The following INSC variants were observed in gnomAD, a reference collection of about 807,000 sequenced individuals.
The protein encoded by INSC is protein inscuteable homolog.
A neutral mutation model predicts 58.6 loss-of-function variants in INSC; 67 were observed. That is an observed-to-expected ratio of 1.14 (90% CI 0.94 to 1.40). INSC has a LOEUF of 1.40. INSC is among the 40% of genes most tolerant of loss of function. The pLI, the probability that INSC is intolerant of heterozygous loss-of-function variation, is 0.00. For missense variants in INSC, 714 were observed against 692.0 expected (o/e 1.03, Z -0.36); for synonymous variants, 262 against 276.1 (o/e 0.95, Z 0.51).
At chr11:15,261,231 G>C in the INSC span, among the ~76,000 whole-genome samples, 1 of 152,066 alleles carries the variant, frequency 6.6e-6, no homozygotes, top group Non-Finnish European at 1.5e-5. Context: ...TTCTGATCCA[G>C]GTTTTTTTCT....
At chr11:15,263,624 T>C in the INSC span, among the ~76,000 whole-genome samples, 1 of 152,100 alleles carries the variant, frequency 6.6e-6, no homozygotes, top group African/African-American at 2.4e-5. Flanking sequence ...TATCACAAAA[T>C]TTTCAGCTTA....
At chr11:15,186,015 A>G (rs1849952501) in intron 5 of INSC, among the ~76,000 whole-genome samples, 1 of 152,126 alleles carries the variant, frequency 6.6e-6, no homozygotes. Flanking sequence ...CCCTCTTCTT[A>G]CTAGAGGGTT....
chr11:15,233,865 C>A (rs1852020846), intron 9 of INSC, among the ~76,000 whole-genome samples: 1 of 152,104 alleles, frequency 6.6e-6, no homozygotes, highest in Non-Finnish European at 1.5e-5. Context: ...TGCTAACAGC[C>A]CAGAGATAGC....
At chr11:15,220,677 G>GAATAGA (rs1312433453) in intron 7 of INSC, among the ~76,000 whole-genome samples, 1 of 152,194 alleles carries the variant, frequency 6.6e-6, no homozygotes, top group African/African-American at 2.4e-5. Flanking sequence ...TTATTGTAAG[G>GAATAGA]AATAGATTGT....
At chr11:15,255,188 A>G in the INSC span, among the ~76,000 whole-genome samples, 16 of 152,120 alleles carry the variant, frequency 1.1e-4, no homozygotes, top group Non-Finnish European at 2.4e-4. Flanking sequence ...TTTGTGTATA[A>G]ATAAGCCCAA....
chr11:15,165,590 C>T (rs566664640), intron 2 of INSC, among the ~76,000 whole-genome samples: 10 of 152,270 alleles, frequency 6.6e-5, no homozygotes, highest in East Asian at 1.9e-4. Context: ...TGGTAACCAA[C>T]AGGAGTCTTC....
intron 7 of INSC, among the ~76,000 whole-genome samples, chr11:15,211,054 A>G (rs1246670950): frequency 6.6e-6 from 1 of 152,154 alleles, no homozygotes; most frequent in Non-Finnish European, 1.5e-5. Context: ...AAGGAGGATA[A>G]GAAAAGGGGA....
upstream of INSC, among the ~76,000 whole-genome samples, chr11:15,113,143 T>TTCTTTCTTTCTTTCTCTCTCTCTC: frequency 1.6e-4 from 16 of 98,682 alleles, no homozygotes; most frequent in Middle Eastern, 4.8e-3. Context: ...CTTTCTTTCT[T>TTCTTTCTTTCTTTCTCTCTCTCTC]TCTGTCTCTC....
intron 5 of INSC, among the ~76,000 whole-genome samples, chr11:15,179,981 A>G (rs1447144975): frequency 6.6e-6 from 1 of 152,150 alleles, no homozygotes; most frequent in Admixed American, 6.5e-5. Context: ...AAATGGCTGG[A>G]CGCAGTGGCT....
intron 1 of INSC, among the ~76,000 whole-genome samples, chr11:15,116,258 A>G (rs1249627869): frequency 1.3e-5 from 2 of 152,142 alleles, no homozygotes; most frequent in Admixed American, 6.5e-5. Flanking sequence ...TGTAGTTTAT[A>G]CTCTGGATTA....
chr11:15,229,948 T>TTA (rs1276929752), intron 9 of INSC, among the ~76,000 whole-genome samples: 3 of 24,954 alleles, frequency 1.2e-4, no homozygotes, highest in African/African-American at 3.9e-4. Flanking sequence ...ATATATAATA[T>TTA]TATATATATA....
At chr11:15,198,247 A>G (rs943100651) in intron 6 of INSC, among the ~76,000 whole-genome samples, 2 of 152,156 alleles carry the variant, frequency 1.3e-5, no homozygotes, top group African/African-American at 4.8e-5. Context: ...GCTCAGACAT[A>G]TAGCTATTGT....
chr11:15,202,682 A>G (rs1850642259), intron 7 of INSC, among the ~76,000 whole-genome samples: 1 of 152,240 alleles, frequency 6.6e-6, no homozygotes, highest in Admixed American at 6.5e-5. Flanking sequence ...AGGAGAAGAT[A>G]GAAGGAGCTT....
intron 6 of INSC, among the ~76,000 whole-genome samples, chr11:15,191,182 T>C (rs1850161996): frequency 6.6e-6 from 1 of 152,064 alleles, no homozygotes; most frequent in Non-Finnish European, 1.5e-5. Context: ...GGTTTCACCG[T>C]GTTAGCCAGG....
chr11:15,241,154 T>TC (rs1165316915), intron 12 of INSC, among the ~76,000 whole-genome samples: 1 of 152,184 alleles, frequency 6.6e-6, no homozygotes, highest in African/African-American at 2.4e-5. Context: ...GCATGCTTCG[T>TC]CTATATATTC....
chr11:15,266,957 T>C, the INSC span, among the ~76,000 whole-genome samples: 1 of 152,004 alleles, frequency 6.6e-6, no homozygotes, highest in African/African-American at 2.4e-5. Flanking sequence ...ATAGAAGCTA[T>C]TATTGCATGT....
At chr11:15,255,229 A>T in the INSC span, among the ~76,000 whole-genome samples, 2 of 152,206 alleles carry the variant, frequency 1.3e-5, no homozygotes, top group African/African-American at 4.8e-5. Flanking sequence ...ATACTTCGGC[A>T]AATTCCAAAC....
chr11:15,205,698 C>T (rs1850767994), intron 7 of INSC, among the ~76,000 whole-genome samples: 1 of 152,126 alleles, frequency 6.6e-6, no homozygotes, highest in Admixed American at 6.5e-5. Context: ...TCCTCACAGT[C>T]TTTCCCTTTA....
chr11:15,161,291 CT>C (rs1322196614), intron 2 of INSC, among the ~76,000 whole-genome samples: 2 of 152,138 alleles, frequency 1.3e-5, no homozygotes, highest in East Asian at 3.9e-4. Context: ...AGGATTTACT[CT>C]CTTACTATAT....
Sources: gnomAD v4.1 joint callset for allele counts (sites outside exome capture counted in the v4.1 genomes callset) on GRCh38, gnomAD v4.1.1 for gene constraint, MANE v1.5 for transcripts, NCBI Gene and HGNC (gene_info 2026-07-23, HGNC 2026-07-21) for gene names.